Variants in DNAL1 observed in about 807,000 individuals in gnomAD.
DNAL1 encodes chromosome 14 open reading frame 168.
DNAL1 carries 17 observed loss-of-function variants against 29.4 expected under a neutral mutation model. The ratio of observed to expected loss-of-function variants is 0.58; its 90% confidence interval spans 0.40 to 0.87. DNAL1 has a LOEUF of 0.87. DNAL1 is among the 40% of genes least tolerant of loss of function. The probability of loss-of-function intolerance (pLI) is 0.00; values close to 1 mark genes in which losing one functional copy is unlikely to be tolerated. For missense variants in DNAL1, 188 were observed against 214.1 expected, an observed-to-expected ratio of 0.88 and a Z score of 0.76; for synonymous variants, 78 against 76.3, an observed-to-expected ratio of 1.02 and a Z score of -0.12.
At chr14:73,645,578 T>G (rs1305987934) in intron 1 of DNAL1, among the ~76,000 whole-genome samples, 3 of 152,194 alleles carry the variant, frequency 2.0e-5, no homozygotes, top group African/African-American at 7.2e-5. Flanking sequence ...TTCTCAAATT[T>G]CAGTATGCAT....
intron 7 of DNAL1, among the ~76,000 whole-genome samples, chr14:73,690,441 T>C (rs1309492915): frequency 6.6e-6 from 1 of 151,896 alleles, no homozygotes; most frequent in Non-Finnish European, 1.5e-5. Context: ...TCACCTGAGG[T>C]TGGGAGTTCG....
chr14:73,653,681 C>T (rs1048006742), intron 1 of DNAL1, among the ~76,000 whole-genome samples: 5 of 151,970 alleles, frequency 3.3e-5, no homozygotes, highest in Non-Finnish European at 7.4e-5. Context: ...AAATTTAGGC[C>T]CAGTTAACTA....
chr14:73,651,436 A>C (rs1566878969), intron 1 of DNAL1: 1 of 152,332 alleles, frequency 6.6e-6, no homozygotes, highest in South Asian at 2.1e-4. Flanking sequence ...TGTTACAGGG[A>C]ATACCCTTGA....
chr14:73,662,647 T>C (rs893407198), intron 4 of DNAL1, among the ~76,000 whole-genome samples: 1 of 152,128 alleles, frequency 6.6e-6, no homozygotes, highest in African/African-American at 2.4e-5. Flanking sequence ...TTGTGACTCA[T>C]CACTCCAGTC....
At chr14:73,671,987 G>A (rs1273297996) in intron 5 of DNAL1, among the ~76,000 whole-genome samples, 1 of 152,130 alleles carries the variant, frequency 6.6e-6, no homozygotes, top group Non-Finnish European at 1.5e-5. Flanking sequence ...GATGTTTATT[G>A]TTAAATAATT....
At chr14:73,658,819 A>T in intron 2 of DNAL1, 28 bp from the exon 3 acceptor site, 1 of 1,556,862 alleles carries the variant, frequency 6.4e-7, no homozygotes, top group Non-Finnish European at 8.8e-7. Flanking sequence ...ATCATGGGTT[A>T]TTTCTTCCAA....
chr14:73,647,381 AG>A (rs869060623), intron 1 of DNAL1, among the ~76,000 whole-genome samples: 2 of 105,608 alleles, frequency 1.9e-5, no homozygotes, highest in Non-Finnish European at 1.9e-5. Context: ...AAAAAAAAAA[AG>A]AAAAAGAAAA....
intron 7 of DNAL1, among the ~76,000 whole-genome samples, chr14:73,694,267 TAAATAAATAAATAAA>T (rs1007661849): frequency 1.3e-5 from 2 of 148,678 alleles, no homozygotes; most frequent in African/African-American, 4.9e-5. Flanking sequence ...AATAAATAAA[TAAATAAATAAATAAA>T]TAAATAAAGT....
At chr14:73,692,921 C>T (rs1308443307) in intron 7 of DNAL1, among the ~76,000 whole-genome samples, 1 of 151,786 alleles carries the variant, frequency 6.6e-6, no homozygotes, top group Non-Finnish European at 1.5e-5. Flanking sequence ...GCTGCAGCCT[C>T]CACCTCCCAG....
chr14:73,677,881 TATTTG>T (rs1891780362), intron 5 of DNAL1, among the ~76,000 whole-genome samples: 3 of 123,298 alleles, frequency 2.4e-5, no homozygotes, highest in African/African-American at 1.0e-4. Flanking sequence ...TATATATATA[TATTTG>T]TGTGTGTGTG....
chr14:73,691,272 G>C (rs1892165475), intron 7 of DNAL1, among the ~76,000 whole-genome samples: 1 of 152,160 alleles, frequency 6.6e-6, no homozygotes, highest in Admixed American at 6.5e-5. Context: ...GTTATTAGCT[G>C]GGTGTGGTGG....
chr14:73,682,484 C>A (rs1353141198), intron 5 of DNAL1, among the ~76,000 whole-genome samples: 1 of 151,486 alleles, frequency 6.6e-6, no homozygotes, highest in Non-Finnish European at 1.5e-5. Context: ...CCACTGCGCC[C>A]GGCCAACTTT....
intron 6 of DNAL1, 27 bp downstream of exon 6, chr14:73,687,412 C>A: frequency 6.6e-7 from 1 of 1,518,592 alleles, no homozygotes; most frequent in Non-Finnish European, 8.8e-7. Flanking sequence ...CCTTTGCTAA[C>A]CTTCTACCGC....
rs77690890 is a variant in DNAL1 at position 73,673,333 on chromosome 14, C to T, written c.264+1736C>T. The stretch of plus-strand genomic sequence containing the variant: ...GTTCCCCCAGGTATTTATAGAATCC[C>T]TTATAGAATCCCAAATTCTCAAGTA... On this transcript the variant is annotated intron_variant, in intron 5 of 7. Coordinates refer to ENST00000553645, the MANE Select transcript of DNAL1 (RefSeq NM_031427.4). Among the ~76,000 whole-genome samples the T allele has an allele frequency of 8.0e-3, 1,222 of 152,088 alleles. 23 individuals carry two copies. The highest frequency in any genetic ancestry group is 0.028 in the African/African-American group (1,158 of 41,472).
intron 4 of DNAL1, among the ~76,000 whole-genome samples, chr14:73,664,004 A>G (rs1891417052): frequency 6.6e-6 from 1 of 152,128 alleles, no homozygotes; most frequent in Non-Finnish European, 1.5e-5. Flanking sequence ...TGTTTTAGGT[A>G]AGTCCCTCTC....
intron 6 of DNAL1, 23 bp from the exon 7 acceptor site, chr14:73,689,352 G>A: frequency 6.4e-7 from 1 of 1,550,914 alleles, no homozygotes; most frequent in Non-Finnish European, 8.7e-7. Flanking sequence ...GTTTTAATAT[G>A]GAAAATATTC....
chr14:73,679,604 A>C (rs1392795150), intron 5 of DNAL1, among the ~76,000 whole-genome samples: 2 of 152,232 alleles, frequency 1.3e-5, no homozygotes, highest in Non-Finnish European at 2.9e-5. Context: ...ATCTGATCAC[A>C]GTTTCCACAT....
intron 7 of DNAL1, among the ~76,000 whole-genome samples, chr14:73,690,751 T>C (rs1892155036): frequency 6.6e-6 from 1 of 152,002 alleles, no homozygotes; most frequent in Non-Finnish European, 1.5e-5. Flanking sequence ...AAAAATAAAC[T>C]TCTAGCTCAT....
intron 2 of DNAL1, among the ~76,000 whole-genome samples, chr14:73,657,166 A>G (rs945514491): frequency 2.2e-4 from 33 of 152,104 alleles, no homozygotes; most frequent in Admixed American, 7.2e-4. Context: ...TATACAAAAC[A>G]TAGGAAAACA....
Sources: gnomAD v4.1 joint callset for allele counts (sites outside exome capture counted in the v4.1 genomes callset) on GRCh38, gnomAD v4.1.1 for gene constraint, MANE v1.5 for transcripts, NCBI Gene and HGNC (gene_info 2026-07-23, HGNC 2026-07-21) for gene names.